UBAC2: variants seen among roughly 807,000 people sequenced by gnomAD.
UBAC2 encodes the protein ubiquitin-associated domain-containing protein 2.
Under a neutral mutation model 44.0 loss-of-function variants are expected in UBAC2, and 26 were observed. The ratio of observed to expected loss-of-function variants is 0.59; its 90% CI spans 0.43 to 0.82. The LOEUF (loss-of-function observed/expected upper bound fraction) is 0.82, where lower values mean the gene tolerates loss of function less well. Ranked by LOEUF, UBAC2 falls within the 40% of genes least tolerant of loss-of-function variation. The probability of loss-of-function intolerance (pLI) is 0.00; values close to 1 mark genes in which losing one functional copy is unlikely to be tolerated. For synonymous variants in UBAC2, 155 were observed against 154.3 expected, an observed-to-expected ratio of 1.00 and a Z score of -0.04; for missense variants, 329 against 419.4, an observed-to-expected ratio of 0.78 and a Z score of 1.88.
intron 6 of UBAC2, among the ~76,000 whole-genome samples, chr13:99,321,065 T>C (rs1389753503): frequency 2.0e-5 from 3 of 152,264 alleles, no homozygotes; most frequent in South Asian, 4.1e-4. Context: ...TTTCACATTT[T>C]AGTATTGAAA....
chr13:99,269,255 T>C (rs1250972495), intron 4 of UBAC2, among the ~76,000 whole-genome samples: 1 of 152,164 alleles, frequency 6.6e-6, no homozygotes, highest in Non-Finnish European at 1.5e-5. Context: ...TTAAATGAGC[T>C]ATATTCTGAT....
intron 4 of UBAC2, among the ~76,000 whole-genome samples, chr13:99,309,152 C>T (rs2044378535): frequency 6.6e-6 from 1 of 151,992 alleles, no homozygotes. Context: ...CTCGCTCTCA[C>T]CAGGCTGGAG....
intron 6 of UBAC2, among the ~76,000 whole-genome samples, chr13:99,325,304 C>A (rs551319432): frequency 1.0e-3 from 157 of 151,984 alleles, no homozygotes; most frequent in African/African-American, 3.7e-3. Flanking sequence ...GGGGTTTCAC[C>A]GTGTTAGGCA....
intron 6 of UBAC2, among the ~76,000 whole-genome samples, chr13:99,338,039 CTTTT>C (rs747905404): frequency 1.1e-5 from 1 of 91,562 alleles, no homozygotes; most frequent in South Asian, 4.6e-4. Flanking sequence ...AACTTTTTTT[CTTTT>C]TTTCTTTTTT....
chr13:99,251,611 G>A lies in UBAC2; in HGVS notation c.389+6987G>A, dbSNP rs143806394. Among the ~76,000 whole-genome samples the A allele has an allele frequency of 2.3e-3, 347 of 152,224 alleles. 3 individuals carry two copies. The highest frequency in any genetic ancestry group is 9.1e-3 in the South Asian group (44 of 4,814). On this transcript the variant is annotated intron_variant, in intron 4 of 8. Coordinates refer to ENST00000403766, the MANE Select transcript of UBAC2 (RefSeq NM_001144072.2). ...CTAAAATGCAGGCTTAACCACACTAGTTCTTTTAAAAACCCTCAAATTCTC... is the reference window on the plus strand; with the variant it reads ...CTAAAATGCAGGCTTAACCACACTAATTCTTTTAAAAACCCTCAAATTCTC...
chr13:99,345,531 T>C (rs567104309), intron 7 of UBAC2, among the ~76,000 whole-genome samples: 1 of 152,084 alleles, frequency 6.6e-6, no homozygotes, highest in Non-Finnish European at 1.5e-5. Flanking sequence ...CTCTGCCTAC[T>C]GAGCTTTTCA....
Position 99,223,508 on chromosome 13 carries a change from T to C in UBAC2, c.32-14919T>C, listed in dbSNP as rs1183292922. ...TAATTATTTCTTTATATCTGCTTGC[T>C]TAGGTTTTAATTTGCTCTTCTTTCT... On this transcript the variant is annotated intron_variant, in intron 1 of 8. Coordinates refer to ENST00000403766, the MANE Select transcript of UBAC2 (RefSeq NM_001144072.2). 2.0e-5 allele frequency among the ~76,000 whole-genome samples: 3 copies of C among 151,412 alleles called. No individual in the cohort carries two copies. In the East Asian group the frequency reaches 5.8e-4, roughly 29 times the overall value.
At chr13:99,213,711 G>A (rs933906796) in intron 1 of UBAC2, among the ~76,000 whole-genome samples, 31 of 151,972 alleles carry the variant, frequency 2.0e-4, no homozygotes, top group African/African-American at 6.0e-4. Flanking sequence ...GTATTTTCCC[G>A]TTAGAAACAC....
chr13:99,202,060 G>A (rs1056116578), intron 1 of UBAC2, among the ~76,000 whole-genome samples: 13 of 135,656 alleles, frequency 9.6e-5, no homozygotes, highest in Non-Finnish European at 3.1e-5. Flanking sequence ...GCGACAAAGC[G>A]AGACTCCATC....
chr13:99,236,856 G>A (rs73565931), intron 1 of UBAC2, among the ~76,000 whole-genome samples: 1,765 of 151,840 alleles, frequency 0.012, 36 homozygotes, highest in African/African-American at 0.041. Flanking sequence ...TCTCAAAAAC[G>A]GCAACAACTA....
intron 7 of UBAC2, among the ~76,000 whole-genome samples, chr13:99,341,388 AT>A (rs1274580570): frequency 2.2e-4 from 18 of 82,846 alleles, no homozygotes; most frequent in Non-Finnish European, 3.7e-4. Context: ...TTAGAGTCCC[AT>A]TGGAGATGCA....
chr13:99,238,346 G>C lies in UBAC2; in HGVS notation c.32-81G>C, dbSNP rs1414773590. 13 of 1,515,884 alleles carry C rather than the reference G, an allele frequency of 8.6e-6. No homozygotes were observed. The African/African-American group carries it at 9.7e-5, about 11-fold the overall frequency. The allele number at this position is 1,515,884 out of a possible 1,614,324, so 93.9% of individuals were successfully genotyped here. A position where few individuals can be genotyped will look rare whatever the true frequency, so the allele number is the denominator to read the frequency against. On this transcript the variant is annotated intron_variant, in intron 1 of 8. Transcript: ENST00000403766. ...GTCTTCATTCTGATTTAAAAGAAGT[G>C]AATTCTCTTGCTTTTCACGCATGTG...
At chr13:99,372,921 C>T (rs1011003816) in intron 8 of UBAC2, among the ~76,000 whole-genome samples, 4 of 151,996 alleles carry the variant, frequency 2.6e-5, no homozygotes, top group Non-Finnish European at 5.9e-5. Flanking sequence ...GAGACCATCC[C>T]GGCTAGCATG....
At chr13:99,297,756 A>G (rs1312475397) in intron 4 of UBAC2, among the ~76,000 whole-genome samples, 2 of 152,122 alleles carry the variant, frequency 1.3e-5, no homozygotes, top group Non-Finnish European at 2.9e-5. Flanking sequence ...GTCACAACAA[A>G]CTTAAATGGG....
chr13:99,241,264 CAA>C lies in UBAC2; in HGVS notation c.160-2550_160-2549del, dbSNP rs35336464. ...TGGGCAACAGAGTGAGACCCTGTCT[CAA>C]AAAAAAAAAAAAAAAAAGAAAAGAG... On this transcript the variant is annotated intron_variant, in intron 2 of 8. Coordinates refer to ENST00000403766, the MANE Select transcript of UBAC2 (RefSeq NM_001144072.2). Among the ~76,000 whole-genome samples, 611 of 114,722 alleles carry C rather than the reference CAA, an allele frequency of 5.3e-3. 4 individuals are homozygous for C. The highest frequency in any genetic ancestry group is 0.014 in the South Asian group (46 of 3,382). 75.3% of individuals were successfully genotyped at this position (114,722 alleles called of 152,430 possible).
At chr13:99,358,425 T>C (rs1025992969) in intron 7 of UBAC2, among the ~76,000 whole-genome samples, 31 of 152,224 alleles carry the variant, frequency 2.0e-4, no homozygotes, top group African/African-American at 7.0e-4. Flanking sequence ...AACCTTCTAG[T>C]AAGTCAGACA....
At chr13:99,292,445 G>T (rs1225352355) in intron 4 of UBAC2, among the ~76,000 whole-genome samples, 1 of 152,036 alleles carries the variant, frequency 6.6e-6, no homozygotes, top group Non-Finnish European at 1.5e-5. Flanking sequence ...CCCAGCTGGG[G>T]TTATATTCCT....
In UBAC2 at chr13:99,242,900, A is replaced by G. The variant is rs1278246128; in HGVS notation, c.160-932A>G. Among the ~76,000 whole-genome samples the G allele has an allele frequency of 1.3e-3, 197 of 146,954 alleles. 1 individual carries two copies. Among genetic ancestry groups the G allele is most frequent in the African/African-American group, 4.9e-3 (192 of 39,210 alleles). On this transcript the variant is annotated intron_variant, in intron 2 of 8. Transcript: ENST00000403766. ...GCGGCGGGGCAGAGGTGCTCCCCAC[A>G]TCTCAGACGATGGGCGGCCGGGTAG...
At chr13:99,239,554 C>G (rs1029475691) in intron 2 of UBAC2, among the ~76,000 whole-genome samples, 2 of 152,230 alleles carry the variant, frequency 1.3e-5, no homozygotes, top group African/African-American at 4.8e-5. Context: ...GTATGGCTGG[C>G]TTTGAGGACC....
Sources: allele counts gnomAD v4.1 joint callset (sites outside exome capture counted in the v4.1 genomes callset), GRCh38; gene constraint gnomAD v4.1.1; transcripts MANE v1.5; gene names NCBI Gene and HGNC (gene_info 2026-07-23, HGNC 2026-07-21).